The following KCNB2 variants were observed in gnomAD, a reference collection of about 807,000 sequenced individuals.
KCNB2 encodes delayed rectifier potassium channel protein.
KCNB2 carries 15 observed loss-of-function variants against 61.5 expected under a neutral mutation model. The observed-to-expected ratio is 0.24, with a 90% confidence interval of 0.16 to 0.38. KCNB2 has a LOEUF of 0.38. Ranked by LOEUF, KCNB2 falls within the 10% of genes least tolerant of loss-of-function variation. KCNB2 has a pLI of 1.00. For missense variants in KCNB2, 828 were observed against 1,125.2 expected (o/e 0.74, Z 3.78); for synonymous variants, 457 against 446.0 (o/e 1.02, Z -0.31).
At chr8:72,635,139 G>A (rs1449372319) in intron 2 of KCNB2, among the ~76,000 whole-genome samples, 1 of 152,164 alleles carries the variant, frequency 6.6e-6, no homozygotes, top group African/African-American at 2.4e-5. Context: ...CGTGAAGGCT[G>A]GGCATTCCTG....
At chr8:72,907,620 A>T (rs1356913453) in intron 2 of KCNB2, among the ~76,000 whole-genome samples, 1 of 152,200 alleles carries the variant, frequency 6.6e-6, no homozygotes, top group Non-Finnish European at 1.5e-5. Flanking sequence ...ACATATTTGG[A>T]TTCTCTAACA....
chr8:72,867,643 T>C (rs946388358), intron 2 of KCNB2, among the ~76,000 whole-genome samples: 1 of 152,210 alleles, frequency 6.6e-6, no homozygotes, highest in African/African-American at 2.4e-5. Flanking sequence ...ATATAACTAG[T>C]GAGTTGAGAC....
intron 2 of KCNB2, among the ~76,000 whole-genome samples, chr8:72,921,388 A>G (rs962855722): frequency 2.0e-5 from 3 of 152,150 alleles, no homozygotes; most frequent in Non-Finnish European, 2.9e-5. Context: ...TGAGCCACAC[A>G]TAGGTAACTG....
chr8:72,780,166 A>C (rs574096755), intron 2 of KCNB2, among the ~76,000 whole-genome samples: 1 of 152,288 alleles, frequency 6.6e-6, no homozygotes, highest in Admixed American at 6.5e-5. Flanking sequence ...CTTAGCCCAG[A>C]CACTTTTACT....
At chr8:72,855,637 AT>A (rs1182151099) in intron 2 of KCNB2, among the ~76,000 whole-genome samples, 2 of 151,888 alleles carry the variant, frequency 1.3e-5, no homozygotes, top group Non-Finnish European at 2.9e-5. Flanking sequence ...CAAATACATG[AT>A]TTTTTTTCTA....
chr8:72,898,090 T>A (rs1045665221), intron 2 of KCNB2, among the ~76,000 whole-genome samples: 1 of 152,286 alleles, frequency 6.6e-6, no homozygotes, highest in African/African-American at 2.4e-5. Context: ...TCAAAGTCTG[T>A]TTTTTAATGG....
chr8:72,715,185 G>A (rs1433650209), intron 2 of KCNB2, among the ~76,000 whole-genome samples: 1 of 152,126 alleles, frequency 6.6e-6, no homozygotes, highest in Non-Finnish European at 1.5e-5. Context: ...CCTACAAAGA[G>A]ACTTAGACTC....
intron 2 of KCNB2, among the ~76,000 whole-genome samples, chr8:72,771,714 T>C (rs1409734144): frequency 6.6e-6 from 1 of 151,898 alleles, no homozygotes; most frequent in East Asian, 1.9e-4. Context: ...GCAGAGGGTG[T>C]CAGAAGATTT....
chr8:72,725,587 G>GTGTATATATATA (rs1807630495), intron 2 of KCNB2, among the ~76,000 whole-genome samples: 1 of 25,220 alleles, frequency 4.0e-5, no homozygotes, highest in Non-Finnish European at 9.6e-5. Flanking sequence ...ATATATATAT[G>GTGTATATATATA]TATGTATATA....
intron 2 of KCNB2, among the ~76,000 whole-genome samples, chr8:72,582,903 A>C (rs1806929330): frequency 6.6e-6 from 1 of 152,306 alleles, no homozygotes; most frequent in African/African-American, 2.4e-5. Context: ...TACAGGCATG[A>C]GCCACCATGC....
At chr8:72,866,407 G>A (rs10504543) in intron 2 of KCNB2, among the ~76,000 whole-genome samples, 58,150 of 152,078 alleles carry the variant, frequency 0.38, 11,348 homozygotes, top group Non-Finnish European at 0.42. Flanking sequence ...TCCTTTAAGT[G>A]TGTTTGCACA....
intron 2 of KCNB2, among the ~76,000 whole-genome samples, chr8:72,582,362 G>C (rs756450589): frequency 6.6e-6 from 1 of 152,214 alleles, no homozygotes; most frequent in Non-Finnish European, 1.5e-5. Flanking sequence ...AGCCCTGGCT[G>C]TTCTGGCCAG....
At chr8:72,561,727 A>ATATATATATATATG (rs1189336093) in intron 1 of KCNB2, among the ~76,000 whole-genome samples, 7 of 35,278 alleles carry the variant, frequency 2.0e-4, no homozygotes, top group Non-Finnish European at 4.4e-4. Context: ...ATATATATAT[A>ATATATATATATATG]TCTATATCTA....
At chr8:72,666,397 C>T (rs1806473056) in intron 2 of KCNB2, among the ~76,000 whole-genome samples, 1 of 152,072 alleles carries the variant, frequency 6.6e-6, no homozygotes, top group African/African-American at 2.4e-5. Flanking sequence ...TGATTTTGCC[C>T]ATTCTCTAAA....
intron 2 of KCNB2, among the ~76,000 whole-genome samples, chr8:72,648,339 T>C (rs1286072978): frequency 6.6e-6 from 1 of 152,170 alleles, no homozygotes; most frequent in Non-Finnish European, 1.5e-5. Context: ...TTGACTGTGT[T>C]TGGAAGAAAG....
chr8:72,717,679 C>T (rs1006922187), intron 2 of KCNB2, among the ~76,000 whole-genome samples: 1 of 151,984 alleles, frequency 6.6e-6, no homozygotes, highest in Non-Finnish European at 1.5e-5. Context: ...GGATTAAAGA[C>T]TTAAACGTTA....
At chr8:72,654,039 G>T (rs895483199) in intron 2 of KCNB2, among the ~76,000 whole-genome samples, 3 of 152,128 alleles carry the variant, frequency 2.0e-5, no homozygotes, top group Admixed American at 1.3e-4. Flanking sequence ...ATCACAAATT[G>T]CTTTAAAGGG....
rs75698231 is a variant in KCNB2, at chr8:72,929,009, A to C, written c.580-6926A>C. 3.3e-3 allele frequency among the ~76,000 whole-genome samples: 499 copies of C among 152,166 alleles called. 6 individuals are homozygous for C. The highest frequency in any genetic ancestry group is 0.017 in the South Asian group (80 of 4,828). The stretch of plus-strand genomic sequence containing the variant: ...TCCAAACACATCTCCAGCATTTCTT[A>C]CACTTATCACATTCTGCACTTGGCA... On this transcript the variant is annotated intron_variant, in intron 2 of 2. Coordinates refer to ENST00000523207, the MANE Select transcript of KCNB2 (RefSeq NM_004770.3).
At chr8:72,559,915 T>C (rs1361268114) in intron 1 of KCNB2, among the ~76,000 whole-genome samples, 1 of 152,190 alleles carries the variant, frequency 6.6e-6, no homozygotes, top group Non-Finnish European at 1.5e-5. Flanking sequence ...AGACAAGTCA[T>C]GCGACCTCAG....
Sources: allele counts gnomAD v4.1 joint callset (sites outside exome capture counted in the v4.1 genomes callset), GRCh38; gene constraint gnomAD v4.1.1; transcripts MANE v1.5; gene names NCBI Gene and HGNC (gene_info 2026-07-23, HGNC 2026-07-21).